FNBP1: variants seen among roughly 807,000 people sequenced by gnomAD.
FNBP1 encodes the protein formin-binding protein 1.
FNBP1 carries 26 observed loss-of-function variants against 90.6 expected under a neutral mutation model. The ratio of observed to expected loss-of-function variants is 0.29; its 90% CI spans 0.21 to 0.40. FNBP1 has a LOEUF of 0.40. FNBP1 is among the 10% of genes least tolerant of loss of function. FNBP1 has a pLI of 1.00. For missense variants in FNBP1, 635 were observed against 768.0 expected (o/e 0.83, Z 2.05); for synonymous variants, 260 against 265.2 (o/e 0.98, Z 0.19).
intron 10 of FNBP1, among the ~76,000 whole-genome samples, chr9:129,917,997 C>T (rs2040515565): frequency 2.0e-5 from 3 of 152,204 alleles, no homozygotes; most frequent in Admixed American, 6.5e-5. Context: ...CTAAACATTG[C>T]TAATTCAAAG....
At chr9:129,896,033 G>C in intron 15 of FNBP1, 37 bp from the exon 16 acceptor site, 2 of 1,558,882 alleles carry the variant, frequency 1.3e-6, no homozygotes, top group Non-Finnish European at 1.7e-6. Flanking sequence ...AGATGTCTTG[G>C]CAAATGCAGG....
chr9:129,994,692 TTCTGTATGAAAAACAA>T, intron 2 of FNBP1, 135 bp downstream of exon 2: 1 of 407,648 alleles, frequency 2.5e-6, no homozygotes, highest in Non-Finnish European at 4.3e-6. Flanking sequence ...AAAATTAATT[TTCTGTATGAAAAACAA>T]TCACTTCTAT....
intron 4 of FNBP1, among the ~76,000 whole-genome samples, chr9:129,965,113 T>A (rs951954843): frequency 6.6e-6 from 1 of 152,150 alleles, no homozygotes; most frequent in African/African-American, 2.4e-5. Flanking sequence ...CAGTTTTAAT[T>A]GAGCTAGAAC....
At chr9:129,974,246 C>T (rs2049959244) in intron 4 of FNBP1, among the ~76,000 whole-genome samples, 1 of 152,170 alleles carries the variant, frequency 6.6e-6, no homozygotes, top group Admixed American at 6.5e-5. Context: ...ACGCACTGCC[C>T]CGAGAGGGAA....
intron 4 of FNBP1, among the ~76,000 whole-genome samples, chr9:129,970,775 C>T (rs2133235865): frequency 6.6e-6 from 1 of 152,238 alleles, no homozygotes; most frequent in Admixed American, 6.5e-5. Flanking sequence ...CAGGACTGCT[C>T]ATGTTTTCCT....
chr9:129,963,895 A>T (rs985947056), intron 4 of FNBP1, among the ~76,000 whole-genome samples: 1 of 152,140 alleles, frequency 6.6e-6, no homozygotes, highest in Admixed American at 6.6e-5. Flanking sequence ...GATTACAGGC[A>T]TGAGCCACCA....
chr9:129,926,899 A>AG (rs1564350007), intron 8 of FNBP1, among the ~76,000 whole-genome samples: 1 of 151,834 alleles, frequency 6.6e-6, no homozygotes, highest in Non-Finnish European at 1.5e-5. Flanking sequence ...AAGAAAAAAA[A>AG]AAAAAGAAAA....
At chr9:130,038,394 T>G (rs1032708348) in intron 1 of FNBP1, among the ~76,000 whole-genome samples, 71 of 131,228 alleles carry the variant, frequency 5.4e-4, no homozygotes, top group Non-Finnish European at 8.0e-4. Context: ...TCAACACAGG[T>G]GGCTCTTTTT....
In FNBP1 at chr9:129,888,425, T is replaced by C. The variant is rs2034868482; in HGVS notation, c.*2114A>G. On this transcript the variant is annotated 3_prime_UTR_variant, in exon 17 of 17. Coordinates refer to ENST00000446176, the MANE Select transcript of FNBP1 (RefSeq NM_015033.3). ...GCTGTGGGGACTGCCACACTCACCA[T>C]GCACCTGTTGGTTTGCAGGGACAGA... The C allele has an allele frequency of 8.6e-6, 2 of 232,622 alleles. No homozygotes were observed. Among genetic ancestry groups the C allele is most frequent in the African/African-American group, 2.2e-5 (1 of 45,316 alleles). 14.4% of individuals were successfully genotyped at this position (232,622 alleles called of 1,614,324 possible).
At chr9:129,913,473 T>A (rs1250436316) in intron 11 of FNBP1, among the ~76,000 whole-genome samples, 1 of 151,770 alleles carries the variant, frequency 6.6e-6, no homozygotes, top group Non-Finnish European at 1.5e-5. Context: ...TTCTATGTAC[T>A]AATAAAATCA....
chr9:130,031,432 G>C lies in FNBP1; in HGVS notation c.24+11520C>G, dbSNP rs1186661646. On this transcript the variant is annotated intron_variant, in intron 1 of 16. Transcript: ENST00000446176. The surrounding 1 kb of genome is among the most constrained non-coding windows in gnomAD (Gnocchi z 4.2). ...CAACTCCATCACCTGCTCATCATTT[G>C]AGAGCTCTGTGCCCTCCATGACCCT... 6.6e-6 allele frequency among the ~76,000 whole-genome samples: 1 copy of C among 152,128 alleles called. No individual in the cohort carries two copies. Among genetic ancestry groups the C allele is most frequent in the Non-Finnish European group, 1.5e-5 (1 of 68,030 alleles).
At chr9:129,912,980 G>A (rs180944867) in intron 11 of FNBP1, among the ~76,000 whole-genome samples, 252 of 152,236 alleles carry the variant, frequency 1.7e-3, no homozygotes, top group African/African-American at 5.7e-3. Flanking sequence ...AGCACTTTGG[G>A]AGGCCGAGGT....
chr9:129,953,765 A>G (rs1231845868), intron 6 of FNBP1, among the ~76,000 whole-genome samples: 4 of 151,700 alleles, frequency 2.6e-5, no homozygotes, highest in Non-Finnish European at 5.9e-5. Flanking sequence ...TAAAGAAAGA[A>G]CTTTTTAAAA....
In FNBP1 at chr9:129,957,398, C is replaced by T; in HGVS notation, c.475G>A (p.Asp159Asn). 3.7e-6 allele frequency: 6 copies of T among 1,613,710 alleles called. No individual in the cohort carries two copies. Among genetic ancestry groups the T allele is most frequent in the African/African-American group, 1.3e-5 (1 of 75,024 alleles). The change falls in exon 6 of 17, where the codon GAC becomes AAC. Residue 159 changes from aspartate to asparagine, a missense_variant. Coordinates refer to ENST00000446176, the MANE Select transcript of FNBP1 (RefSeq NM_015033.3). The surrounding 1 kb of genome is among the most constrained non-coding windows in gnomAD (Gnocchi z 4.3). ...DRAQQYFEKM[D>N]ADINVTKADV... is the part of the protein sequence containing the mutation. ...GCTTTTGTGACATTGATGTCAGCGT[C>T]CATTTTCTCAAAGTACTGCTGCGCC...
At chr9:130,016,989 T>C (rs2057304967) in intron 1 of FNBP1, among the ~76,000 whole-genome samples, 1 of 152,124 alleles carries the variant, frequency 6.6e-6, no homozygotes, top group Non-Finnish European at 1.5e-5. Context: ...CTCATGTCTA[T>C]AATGACAACA....
chr9:129,915,293 C>T (rs546162209), intron 11 of FNBP1, among the ~76,000 whole-genome samples: 5 of 152,186 alleles, frequency 3.3e-5, no homozygotes, highest in African/African-American at 1.2e-4. Context: ...CTAATAGCAA[C>T]ATTTTTCAAC....
intron 16 of FNBP1, chr9:129,895,225 C>G (rs945711260): frequency 1.9e-4 from 201 of 1,039,426 alleles, no homozygotes; most frequent in Non-Finnish European, 2.1e-4. Flanking sequence ...GATGCCCTAC[C>G]AAGGATGCTG....
Position 129,888,943 on chromosome 9 carries a change from C to A in FNBP1, c.*1596G>T. 1 of 231,276 alleles carries A rather than the reference C, an allele frequency of 4.3e-6. No homozygotes were observed. Among genetic ancestry groups the A allele is most frequent in the South Asian group, 1.8e-4 (1 of 5,514 alleles). 14.3% of individuals were successfully genotyped at this position (231,276 alleles called of 1,614,324 possible). ...TGAGGGGACCACCTAGTTACCAAAGCCAAGCAAAGAATAAAGCTGCCCGAC... is the reference window on the plus strand; with the variant it reads ...TGAGGGGACCACCTAGTTACCAAAGACAAGCAAAGAATAAAGCTGCCCGAC... On this transcript the variant is annotated 3_prime_UTR_variant, in exon 17 of 17. Transcript: ENST00000446176.
intron 8 of FNBP1, among the ~76,000 whole-genome samples, chr9:129,926,953 A>T (rs530548237): frequency 2.0e-5 from 3 of 152,216 alleles, no homozygotes; most frequent in African/African-American, 7.2e-5. Context: ...GAGGAAACAA[A>T]GCCTTTACCT....
Sources: gnomAD v4.1 joint callset for allele counts (sites outside exome capture counted in the v4.1 genomes callset) on GRCh38, gnomAD v4.1.1 for gene constraint, Gnocchi (gnomAD v3.1) non-coding constraint, MANE v1.5 for transcripts, NCBI Gene and HGNC (gene_info 2026-07-23, HGNC 2026-07-21) for gene names.